Variants in POLA2 observed in about 807,000 individuals in gnomAD.
POLA2 encodes the protein DNA polymerase alpha 2, accessory subunit.
Under a neutral mutation model 82.8 loss-of-function variants are expected in POLA2, and 47 were observed. The observed-to-expected ratio is 0.57, with a 90% CI of 0.45 to 0.72. The LOEUF (loss-of-function observed/expected upper bound fraction) is 0.72. Among genes scored for constraint, POLA2 ranks in the 30% least tolerant of loss-of-function variants. The pLI, the probability that POLA2 is intolerant of heterozygous loss-of-function variation, is 0.00. For missense variants in POLA2, 634 were observed against 728.1 expected, an observed-to-expected ratio of 0.87 and a Z score of 1.49; for synonymous variants, 287 against 286.8, an observed-to-expected ratio of 1.00 and a Z score of -0.01.
At chr11:65,277,525 G>A (rs1949594432) in intron 5 of POLA2, among the ~76,000 whole-genome samples, 1 of 152,190 alleles carries the variant, frequency 6.6e-6, no homozygotes, top group African/African-American at 2.4e-5. Flanking sequence ...GTCTACTGCT[G>A]CTTTGGGGAG....
chr11:65,295,272 C>T (rs1039596832), intron 15 of POLA2, among the ~76,000 whole-genome samples: 22 of 152,226 alleles, frequency 1.4e-4, no homozygotes, highest in African/African-American at 5.3e-4. Flanking sequence ...TTGCACAGTA[C>T]GGTGCTGGCT....
intron 13 of POLA2, among the ~76,000 whole-genome samples, chr11:65,292,418 G>A (rs1431226929): frequency 1.3e-5 from 2 of 152,210 alleles, no homozygotes; most frequent in Non-Finnish European, 2.9e-5. Flanking sequence ...CTAACCATGA[G>A]CAGGAAGGCT....
At chr11:65,304,416 AACCCACCCATCCACCCAACCATCCACCC>A (rs1472279622) in intron 8 of POLA2, among the ~76,000 whole-genome samples, 18 of 118,872 alleles carry the variant, frequency 1.5e-4, no homozygotes, top group African/African-American at 5.8e-4. Context: ...CCCACCCATC[AACCCACCCATCCACCCAACCATCCACCC>A]ACCCACCCAT....
intron 17 of POLA2, among the ~76,000 whole-genome samples, chr11:65,296,767 T>TA (rs1445638324): frequency 2.0e-5 from 3 of 151,904 alleles, no homozygotes; most frequent in African/African-American, 7.3e-5. Context: ...GCCAACATGG[T>TA]AAAACCCCAT....
downstream of POLA2, among the ~76,000 whole-genome samples, chr11:65,301,052 C>T (rs914637343): frequency 4.6e-5 from 7 of 152,082 alleles, no homozygotes; most frequent in Non-Finnish European, 8.8e-5. Context: ...GAATAGTGGA[C>T]GCTTGTGTGC....
chr11:65,265,228 CA>C (rs796974538), intron 1 of POLA2, among the ~76,000 whole-genome samples: 125 of 131,618 alleles, frequency 9.5e-4, no homozygotes, highest in African/African-American at 2.5e-3. Flanking sequence ...ACTCTGTCTC[CA>C]AAAAAAAAAG....
Position 65,297,876 on chromosome 11 carries a change from T to C in POLA2, c.*607T>C, listed in dbSNP as rs1949830241. 1 of 152,312 alleles carries C rather than the reference T, an allele frequency of 6.6e-6. No homozygotes were observed. The highest frequency in any genetic ancestry group is 2.4e-5 in the African/African-American group (1 of 41,462). 9.4% of individuals were successfully genotyped at this position (152,312 alleles called of 1,614,324 possible). ...CATGTTAGCCAGGATGGTCTCGATC[T>C]CCTGACCTTGTGATCTGTCCGCCTC... On this transcript the variant is annotated 3_prime_UTR_variant, in exon 18 of 18. Transcript: ENST00000265465.
chr11:65,300,984 C>T (rs1402881041), downstream of POLA2, among the ~76,000 whole-genome samples: 1 of 152,244 alleles, frequency 6.6e-6, no homozygotes, highest in African/African-American at 2.4e-5. Flanking sequence ...CACTGTATGG[C>T]TATACGGTAT....
chr11:65,288,992 TC>T, intron 11 of POLA2, 57 bp from the exon 12 acceptor site: 1 of 1,517,882 alleles, frequency 6.6e-7, no homozygotes, highest in Non-Finnish European at 9.1e-7. Flanking sequence ...CTGAAGTCAT[TC>T]ACAGACACAA....
rs766366605 is a variant in POLA2, at chr11:65,297,103, T to C, written c.1648-17T>C. On this transcript the variant is annotated splice_polypyrimidine_tract_variant and intron_variant, in intron 17 of 17. Transcript: ENST00000265465. ...GTTGAGGCTCTCCAAACCTGTCACC[T>C]CTCCTCTCCTCCCCAGGATGTCCTC... 9.3e-6 allele frequency: 15 copies of C among 1,613,482 alleles called. No individual in the cohort carries two copies. The highest frequency in any genetic ancestry group is 1.3e-5 in the Non-Finnish European group (15 of 1,179,778).
In POLA2 at chr11:65,266,760, A is replaced by G. The variant is rs1238670933; in HGVS notation, c.204+54A>G. ...ATGTGATTCTCCATTTCTGCTCTAC[A>G]GGGGAGGCATTGTGATATATTGAGA... is the stretch of plus-strand genomic sequence containing the variant. On this transcript the variant is annotated intron_variant, in intron 2 of 17. Transcript: ENST00000265465. 1.4e-5 allele frequency: 22 copies of G among 1,591,648 alleles called. No individual in the cohort carries two copies. In the Admixed American group the frequency reaches 3.0e-4, roughly 22 times the overall value.
chr11:65,273,042 A>G (rs1949538930), intron 4 of POLA2, among the ~76,000 whole-genome samples: 1 of 149,556 alleles, frequency 6.7e-6, no homozygotes, highest in African/African-American at 2.5e-5. Flanking sequence ...GAAACTAGCC[A>G]GGCGCAGTGG....
At chr11:65,287,555 G>A (rs182158581) in intron 10 of POLA2, 161 bp from the exon 11 acceptor site, 85 of 534,634 alleles carry the variant, frequency 1.6e-4, no homozygotes, top group African/African-American at 1.4e-3. Context: ...GAGTGTTCTT[G>A]GAGGGTGGAC....
chr11:65,273,478 A>T (rs542153527), intron 4 of POLA2, among the ~76,000 whole-genome samples: 2 of 152,304 alleles, frequency 1.3e-5, no homozygotes, highest in African/African-American at 4.8e-5. Flanking sequence ...AGAACACCAG[A>T]CTGTGCCTTG....
intron 11 of POLA2, 47 bp downstream of exon 11, chr11:65,287,887 G>T (rs1317531896): frequency 1.9e-6 from 3 of 1,580,488 alleles, no homozygotes; most frequent in Non-Finnish European, 2.6e-6. Context: ...TTGGAAAATG[G>T]CTTTAATGAA....
intron 16 of POLA2, 64 bp from the exon 17 acceptor site, chr11:65,295,800 G>C (rs573037580): frequency 6.4e-7 from 1 of 1,573,304 alleles, no homozygotes; most frequent in South Asian, 1.1e-5. Flanking sequence ...TACCTAGGGG[G>C]ACTCTGTCTG....
chr11:65,278,834 G>A lies in POLA2; in HGVS notation c.566G>A (p.Gly189Glu). 1.2e-6 allele frequency: 2 copies of A among 1,613,870 alleles called. No homozygotes were observed. Among genetic ancestry groups the A allele is most frequent in the Admixed American group, 3.3e-5 (2 of 60,022 alleles). ...GVSWSGRGGA[G>E]NISLKVLGCP... ...TCTTGGTCTGGGAGAGGAGGAGCTG[G>A]AAACATCAGCCTGAAGGTCTTGGGA... The change falls in exon 6 of 18, where the codon GGA becomes GAA. Residue 189 changes from glycine (G) to glutamate (E), a missense_variant. Physicochemically the swap from Gly to Glu is moderately conservative, Grantham distance 98. Transcript: ENST00000265465.
chr11:65,266,756 C>T (rs371434044), intron 2 of POLA2, 50 bp downstream of exon 2: 2 of 1,598,558 alleles, frequency 1.3e-6, no homozygotes, highest in Non-Finnish European at 1.7e-6. Flanking sequence ...CATTTCTGCT[C>T]TACAGGGGAG....
downstream of POLA2, among the ~76,000 whole-genome samples, chr11:65,300,231 T>C (rs1196725766): frequency 6.6e-6 from 1 of 152,042 alleles, no homozygotes; most frequent in Non-Finnish European, 1.5e-5. Context: ...GTTTTGCTCT[T>C]GTCACCCAGG....
Sources: allele counts gnomAD v4.1 joint callset (sites outside exome capture counted in the v4.1 genomes callset), GRCh38; gene constraint gnomAD v4.1.1; transcripts MANE v1.5; gene names NCBI Gene and HGNC (gene_info 2026-07-23, HGNC 2026-07-21).